The following CA5B variants were observed in gnomAD, a reference collection of about 807,000 sequenced individuals.
CA5B encodes carbonic anhydrase 5B.
CA5B carries 15 observed loss-of-function variants against 23.1 expected under a neutral mutation model. The ratio of observed to expected loss-of-function variants is 0.65; its 90% CI spans 0.43 to 1.00. CA5B has a LOEUF of 1.00. CA5B is among the 50% of genes least tolerant of loss of function. CA5B has a pLI of 0.00. For synonymous variants in CA5B, 84 were observed against 98.5 expected (o/e 0.85, Z 0.87); for missense variants, 236 against 252.2 (o/e 0.94, Z 0.43).
intron 1 of CA5B, among the ~76,000 whole-genome samples, 162 bp downstream of exon 1, chrX:15,738,514 G>A (rs1047879412): frequency 7.2e-5 from 8 of 111,049 alleles, no homozygotes; most frequent in African/African-American, 9.9e-5. Context: ...AGGGCGCCCG[G>A]GAGTACTGAG....
At position 15,776,714 on chromosome X, in the gene CA5B, G is replaced by C; in HGVS notation, c.619G>C (p.Asp207His). The C allele has an allele frequency of 8.3e-7, 1 of 1,206,325 alleles. No individual in the cohort carries two copies. Among genetic ancestry groups the C allele is most frequent in the Non-Finnish European group, 1.1e-6 (1 of 890,949 alleles). ...CTCGGTTATCTCTTCTCTTGGCCAG[G>C]ACGCCCTTGTGGAATTTGGGTCATT... ...VDTLPSIKHK[D>H]ALVEFGSFDP... is the part of the protein sequence containing the mutation. Residue 207 changes from aspartate to histidine, a missense_variant and splice_region_variant, in exon 7 of 8, where the codon GAC (aspartate) becomes CAC (histidine). Physicochemically the swap from Asp to His is moderately conservative, Grantham distance 81. Transcript: ENST00000318636.
At chrX:15,744,849 G>A (rs1426592513) in intron 1 of CA5B, among the ~76,000 whole-genome samples, 1 of 110,944 alleles carries the variant, frequency 9.0e-6, no homozygotes, top group Non-Finnish European at 1.9e-5. Flanking sequence ...AATCAAGGCC[G>A]TCATTGTGTC....
intron 1 of CA5B, 80 bp from the exon 2 acceptor site, chrX:15,749,891 A>G: frequency 1.3e-6 from 1 of 760,271 alleles, no homozygotes; most frequent in African/African-American, 2.1e-5. Context: ...TAGTCTGAAT[A>G]TTGTCCTGCT....
At chrX:15,753,935 G>A (rs751969603) in intron 2 of CA5B, among the ~76,000 whole-genome samples, 29 of 112,172 alleles carry the variant, frequency 2.6e-4, no homozygotes, top group African/African-American at 8.7e-4. Flanking sequence ...TGAATTTCGG[G>A]GTAAAATACT....
At chrX:15,740,397 C>G (rs1384246335) in intron 1 of CA5B, among the ~76,000 whole-genome samples, 1 of 112,680 alleles carries the variant, frequency 8.9e-6, no homozygotes, top group Non-Finnish European at 1.9e-5. Context: ...TCTTAAAAAA[C>G]TATAACTTCT....
At chrX:15,738,992 C>T (rs892025969) in intron 1 of CA5B, among the ~76,000 whole-genome samples, 2 of 111,968 alleles carry the variant, frequency 1.8e-5, no homozygotes, top group African/African-American at 3.3e-5. Context: ...GTGCTCAGCC[C>T]TAAAGCTGAA....
chrX:15,748,397 C>G, intron 1 of CA5B, among the ~76,000 whole-genome samples: 1 of 111,545 alleles, frequency 9.0e-6, no homozygotes, highest in Non-Finnish European at 1.9e-5. Context: ...TCCTCACTAT[C>G]TGCCTAAGTA....
chrX:15,766,889 T>C (rs1306401393), intron 3 of CA5B: 1 of 328,961 alleles, frequency 3.0e-6, no homozygotes, highest in Non-Finnish European at 5.9e-6. Context: ...CATGCATCTT[T>C]CTTAATTTCC....
At chrX:15,742,056 C>G (rs952909906) in intron 1 of CA5B, among the ~76,000 whole-genome samples, 1 of 112,211 alleles carries the variant, frequency 8.9e-6, no homozygotes, top group Admixed American at 9.4e-5. Flanking sequence ...ATTTCCCACC[C>G]AAAACCTGTT....
At position 15,782,838 on chromosome X, in the gene CA5B, A is replaced by C; in HGVS notation, c.*174A>C. The C allele has an allele frequency of 2.7e-6, 1 of 375,623 alleles. No homozygotes were observed. The highest frequency in any genetic ancestry group is 2.6e-5 in the African/African-American group (1 of 38,051). 31.0% of individuals were successfully genotyped at this position (375,623 alleles called of 1,213,427 possible). ...GAAGGCTATTCGGTACCAGCAAGAG[A>C]CACAAGTTTCTCTTACAGATACCTG... On this transcript the variant is annotated 3_prime_UTR_variant, in exon 8 of 8. Coordinates refer to ENST00000318636, the MANE Select transcript of CA5B (RefSeq NM_007220.4).
chrX:15,755,143 T>C (rs1931462190), intron 2 of CA5B, among the ~76,000 whole-genome samples: 1 of 112,196 alleles, frequency 8.9e-6, no homozygotes, highest in Non-Finnish European at 1.9e-5. Flanking sequence ...AAATATAGAC[T>C]CAGGATGCCC....
chrX:15,783,342 A>G lies in CA5B; in HGVS notation c.*678A>G, dbSNP rs1932058099. The G allele has an allele frequency of 8.9e-6, 1 of 112,299 alleles. No homozygotes were observed. 9.3% of individuals were successfully genotyped at this position (112,299 alleles called of 1,213,427 possible). ...TGTTTAGTTGTTACAAGGACATGAT[A>G]TGCTTACTTACTATCAGTTTATGAT... is the stretch of plus-strand genomic sequence containing the variant. On this transcript the variant is annotated 3_prime_UTR_variant, in exon 8 of 8. Coordinates refer to ENST00000318636, the MANE Select transcript of CA5B (RefSeq NM_007220.4).
At chrX:15,753,729 T>A (rs2147257761) in intron 2 of CA5B, among the ~76,000 whole-genome samples, 1 of 111,736 alleles carries the variant, frequency 8.9e-6, no homozygotes, top group South Asian at 3.8e-4. Flanking sequence ...GCCAACATGG[T>A]GAAACCCCAT....
At chrX:15,770,719 TTC>T (rs72381226) in intron 3 of CA5B, among the ~76,000 whole-genome samples, 32 of 93,363 alleles carry the variant, frequency 3.4e-4, no homozygotes, top group African/African-American at 9.6e-4. Flanking sequence ...GACAGTCTAT[TTC>T]TCTCTCTCTC....
At chrX:15,762,158 TACTC>T (rs1931615074) in intron 2 of CA5B, among the ~76,000 whole-genome samples, 1 of 109,143 alleles carries the variant, frequency 9.2e-6, no homozygotes, top group Non-Finnish European at 1.9e-5. Context: ...TAATCCCAGT[TACTC>T]AGGAGGCTGA....
At chrX:15,782,313 T>G (rs771591875) in intron 7 of CA5B, among the ~76,000 whole-genome samples, 172 bp from the exon 8 acceptor site, 4 of 112,798 alleles carry the variant, frequency 3.5e-5, no homozygotes, top group Non-Finnish European at 5.6e-5. Context: ...CCACCACCAC[T>G]GGGCATTTTA....
rs971791940 is a variant in CA5B at position 15,784,787 on chromosome X, C to T, written c.*2123C>T. On this transcript the variant is annotated 3_prime_UTR_variant, in exon 8 of 8. Coordinates refer to ENST00000318636, the MANE Select transcript of CA5B (RefSeq NM_007220.4). Reference sequence around the variant, plus strand: ...AGAATGAGAGAAAATAATTGCAAATCGTCTATCTTATAAGGAGCCCAAATC... The same window carrying T: ...AGAATGAGAGAAAATAATTGCAAATTGTCTATCTTATAAGGAGCCCAAATC... 4.5e-5 allele frequency: 5 copies of T among 111,913 alleles called. No individual in the cohort carries two copies. Among genetic ancestry groups the T allele is most frequent in the East Asian group, 2.8e-4 (1 of 3,626 alleles). The allele number at this position is 111,913 out of a possible 1,213,427, so 9.2% of individuals were successfully genotyped here.
chrX:15,770,345 A>G (rs1413583221), intron 3 of CA5B, among the ~76,000 whole-genome samples: 2 of 111,844 alleles, frequency 1.8e-5, no homozygotes, highest in Non-Finnish European at 3.8e-5. Flanking sequence ...AGAATAAAAT[A>G]TCAACAACCT....
chrX:15,743,081 T>C (rs980255981), intron 1 of CA5B, among the ~76,000 whole-genome samples: 1 of 112,472 alleles, frequency 8.9e-6, no homozygotes, highest in Non-Finnish European at 1.9e-5. Flanking sequence ...CCTACTGCCT[T>C]CCTCCTGGTT....
Sources: gnomAD v4.1 joint callset for allele counts (sites outside exome capture counted in the v4.1 genomes callset) on GRCh38, gnomAD v4.1.1 for gene constraint, MANE v1.5 for transcripts, NCBI Gene and HGNC (gene_info 2026-07-23, HGNC 2026-07-21) for gene names.